Variants in NLRP4 observed in about 807,000 individuals in gnomAD.
The protein encoded by NLRP4 is NLR family pyrin domain containing 4.
Under a neutral mutation model 84.7 loss-of-function variants are expected in NLRP4, and 44 were observed. The observed-to-expected ratio is 0.52, with a 90% confidence interval of 0.41 to 0.67. The LOEUF (loss-of-function observed/expected upper bound fraction) is 0.67. Among genes scored for constraint, NLRP4 ranks in the 30% least tolerant of loss-of-function variants. The pLI is 0.00. For missense variants in NLRP4, 1,260 were observed against 1,219.4 expected, an observed-to-expected ratio of 1.03 and a Z score of -0.50; for synonymous variants, 544 against 476.4, an observed-to-expected ratio of 1.14 and a Z score of -1.85.
chr19:55,867,754 T>C lies in NLRP4; in HGVS notation c.2232T>C (p.Ala744=), dbSNP rs1317877873. 1.2e-6 allele frequency: 2 copies of C among 1,613,986 alleles called. No homozygotes were observed. Among genetic ancestry groups the C allele is most frequent in the African/African-American group, 1.3e-5 (1 of 74,942 alleles). Residue 744 remains alanine, a synonymous_variant, in exon 6 of 10, where the codon GCT becomes GCC. Transcript: ENST00000301295. ...CACCCATTGATTGTGAAGTCCTTGC[T>C]GGCCTTCTAACCAACAACAAGAAGC... ...HLSPIDCEVL[A]GLLTNNKKLT...
chr19:55,864,084 C>T (rs1421864378), intron 5 of NLRP4, among the ~76,000 whole-genome samples: 1 of 152,106 alleles, frequency 6.6e-6, no homozygotes, highest in Non-Finnish European at 1.5e-5. Flanking sequence ...TTAAGAAATA[C>T]TTTTAAAGTA....
chr19:55,880,853 G>A lies in NLRP4; in HGVS notation c.2868-617G>A, dbSNP rs143942582. Among the ~76,000 whole-genome samples, 241 of 152,212 alleles carry A rather than the reference G, an allele frequency of 1.6e-3. 1 individual carries two copies. Among genetic ancestry groups the A allele is most frequent in the African/African-American group, 5.4e-3 (223 of 41,522 alleles). On this transcript the variant is annotated intron_variant, in intron 9 of 9. Coordinates refer to ENST00000301295, the MANE Select transcript of NLRP4 (RefSeq NM_134444.5). Reference sequence around the variant, plus strand: ...GTTCTCATTGTCTTCATCACAAGTCGGGACAATTATGCTACCTCATAAGGC... The same window carrying A: ...GTTCTCATTGTCTTCATCACAAGTCAGGACAATTATGCTACCTCATAAGGC...
chr19:55,861,676 A>G, intron 4 of NLRP4, 129 bp downstream of exon 4: 1 of 810,048 alleles, frequency 1.2e-6, no homozygotes, highest in Non-Finnish European at 2.0e-6. Context: ...CAACCTCAGC[A>G]CTTACAGACA....
In NLRP4 at chr19:55,858,696, A is replaced by G; in HGVS notation, c.1303A>G (p.Thr435Ala). ...CGCTGACATCCCTGCGCTGCTGGGC[A>G]CCAAGATACTTCTGAAGTACGGGGA... ...VDADIPALLGTKILLKYGERE... is the reference protein window; with the variant it reads ...VDADIPALLGAKILLKYGERE... Residue 435 changes from threonine (T) to alanine (A), a missense_variant, in exon 3 of 10, where the codon ACC becomes GCC. Physicochemically the swap from Thr to Ala is moderately conservative, Grantham distance 58. Transcript: ENST00000301295. The surrounding 1 kb of genome is among the most constrained non-coding windows in gnomAD (Gnocchi z 4.2). 1 of 1,614,026 alleles carries G rather than the reference A, an allele frequency of 6.2e-7. No homozygotes were observed.
chr19:55,864,100 A>G (rs1410344550), intron 5 of NLRP4, among the ~76,000 whole-genome samples: 2 of 152,324 alleles, frequency 1.3e-5, no homozygotes, highest in Admixed American at 6.5e-5. Flanking sequence ...AAGTATAACT[A>G]TGCTTTAAAA....
chr19:55,866,032 CT>C (rs1174566976), intron 5 of NLRP4, among the ~76,000 whole-genome samples: 3 of 151,280 alleles, frequency 2.0e-5, no homozygotes, highest in South Asian at 2.1e-4. Context: ...GTTTTCTTTT[CT>C]TTTTTTTTCC....
At chr19:55,856,926 C>T (rs1442381923) in intron 2 of NLRP4, among the ~76,000 whole-genome samples, 2 of 152,216 alleles carry the variant, frequency 1.3e-5, no homozygotes, top group African/African-American at 2.4e-5. Context: ...TCTACTGCAT[C>T]TCCTCTCTCT....
intron 4 of NLRP4, 78 bp downstream of exon 4, chr19:55,861,625 C>A (rs1984759762): frequency 7.5e-7 from 1 of 1,336,128 alleles, no homozygotes; most frequent in Non-Finnish European, 1.1e-6. Flanking sequence ...TCAGTCGAGG[C>A]TAACTGCACA....
chr19:55,880,713 G>A (rs939904463), intron 9 of NLRP4, among the ~76,000 whole-genome samples: 15 of 152,104 alleles, frequency 9.9e-5, no homozygotes, highest in African/African-American at 3.6e-4. Flanking sequence ...ACCAAGACAC[G>A]GTGATACTTA....
At position 55,853,777 on chromosome 19, in the gene NLRP4, CTT is replaced by C. The variant is rs879913829; in HGVS notation, c.280+1419_280+1420del. Among the ~76,000 whole-genome samples the C allele has an allele frequency of 2.8e-3, 428 of 150,708 alleles. 3 individuals are homozygous for C. Among genetic ancestry groups the C allele is most frequent in the Admixed American group, 8.3e-3 (126 of 15,198 alleles). On this transcript the variant is annotated intron_variant, in intron 2 of 9. Coordinates refer to ENST00000301295, the MANE Select transcript of NLRP4 (RefSeq NM_134444.5). ...TCTTTCTCTTTCTCTCTCTCTCTCT[CTT>C]TCTGTCTCTCTTTCTCTCTCTCTCT...
chr19:55,853,905 C>CTCTCTG (rs1984295781), intron 2 of NLRP4, among the ~76,000 whole-genome samples: 1 of 140,272 alleles, frequency 7.1e-6, no homozygotes, highest in South Asian at 2.2e-4. Flanking sequence ...CTCTCTCTCT[C>CTCTCTG]TTTCTCTTTC....
At chr19:55,855,132 C>G (rs1984361086) in intron 2 of NLRP4, among the ~76,000 whole-genome samples, 2 of 152,180 alleles carry the variant, frequency 1.3e-5, no homozygotes. Flanking sequence ...ATCACTTCAG[C>G]CCAGGAGGAT....
rs937255814 is a variant in NLRP4 at position 55,874,365 on chromosome 19, A to G, written c.2526-2631A>G. Among the ~76,000 whole-genome samples the G allele has an allele frequency of 9.2e-5, 14 of 152,194 alleles. 1 individual carries two copies. Among genetic ancestry groups the G allele is most frequent in the Admixed American group, 5.9e-4 (9 of 15,274 alleles). ...GTATTTTATACTATGGCACATCTAG[A>G]TTCAGACAAGCTACATTCCAAGTGC... On this transcript the variant is annotated intron_variant, in intron 7 of 9. Coordinates refer to ENST00000301295, the MANE Select transcript of NLRP4 (RefSeq NM_134444.5).
intron 6 of NLRP4, among the ~76,000 whole-genome samples, chr19:55,870,209 C>T (rs943933118): frequency 3.9e-5 from 6 of 152,094 alleles, no homozygotes; most frequent in Non-Finnish European, 5.9e-5. Flanking sequence ...CCTGAGGGAG[C>T]GGTCTCAGAA....
At chr19:55,845,757 T>G (rs1416997783) in intron 1 of NLRP4, among the ~76,000 whole-genome samples, 1 of 151,300 alleles carries the variant, frequency 6.6e-6, no homozygotes, top group Non-Finnish European at 1.5e-5. Flanking sequence ...TGGTTTTGAT[T>G]TGCATTTCTC....
chr19:55,859,292 C>G (rs1984621775), intron 3 of NLRP4, 43 bp downstream of exon 3: 2 of 1,509,646 alleles, frequency 1.3e-6, no homozygotes, highest in Non-Finnish European at 1.8e-6. Flanking sequence ...CAGAATCTGT[C>G]TGTATTCCCA....
At position 55,852,154 on chromosome 19, in the gene NLRP4, A is replaced by G; in HGVS notation, c.74A>G (p.Lys25Arg). 6.2e-7 allele frequency: 1 copy of G among 1,608,562 alleles called. No homozygotes were observed. Among genetic ancestry groups the G allele is most frequent in the Non-Finnish European group, 8.5e-7 (1 of 1,178,404 alleles). The change falls in exon 2 of 10, where the codon AAA becomes AGA. Residue 25 changes from lysine (K) to arginine (R), a missense_variant. Lys to Arg is a conservative substitution (Grantham distance 26). Transcript: ENST00000301295. ...LEELKKEEFR[K>R]FKEHLKQMTL... ...GAGCTCAAAAAGGAGGAGTTCAGGAAATTTAAAGAACATCTCAAGCAAATG... is the reference window on the plus strand; with the variant it reads ...GAGCTCAAAAAGGAGGAGTTCAGGAGATTTAAAGAACATCTCAAGCAAATG...
intron 9 of NLRP4, among the ~76,000 whole-genome samples, 170 bp downstream of exon 9, chr19:55,879,134 T>C (rs551364813): frequency 1.3e-5 from 2 of 152,122 alleles, no homozygotes; most frequent in Non-Finnish European, 2.9e-5. Context: ...CTTACCACAG[T>C]AAGTGGTGAA....
At chr19:55,869,880 G>A (rs981576718) in intron 6 of NLRP4, among the ~76,000 whole-genome samples, 6 of 151,988 alleles carry the variant, frequency 3.9e-5, no homozygotes, top group African/African-American at 1.5e-4. Context: ...TTTGAGCCCA[G>A]GAGTTCAAGA....
Sources: gnomAD v4.1 joint callset for allele counts (sites outside exome capture counted in the v4.1 genomes callset) on GRCh38, gnomAD v4.1.1 for gene constraint, Gnocchi (gnomAD v3.1) non-coding constraint, MANE v1.5 for transcripts, NCBI Gene and HGNC (gene_info 2026-07-23, HGNC 2026-07-21) for gene names.